Variants in RBFOX1 observed in about 807,000 individuals in gnomAD.
RBFOX1 encodes RNA binding protein fox-1 homolog 1.
Under a neutral mutation model 57.7 loss-of-function variants are expected in RBFOX1, and 8 were observed. The observed-to-expected ratio is 0.14, with a 90% CI of 0.08 to 0.25. The LOEUF is 0.25. RBFOX1 is among the 10% of genes least tolerant of loss of function. The pLI is 1.00. For synonymous variants in RBFOX1, 326 were observed against 222.4 expected (o/e 1.47, Z -4.15); for missense variants, 611 against 548.5 (o/e 1.11, Z -1.14).
At chr16:5,893,496 T>A (rs1328379936) in intron 4 of RBFOX1, among the ~76,000 whole-genome samples, 1 of 152,154 alleles carries the variant, frequency 6.6e-6, no homozygotes, top group East Asian at 1.9e-4. Context: ...TTGTTACGCA[T>A]CGCATACCTG....
intron 4 of RBFOX1, among the ~76,000 whole-genome samples, chr16:7,110,835 C>A (rs2064597810): frequency 6.6e-6 from 1 of 152,084 alleles, no homozygotes; most frequent in South Asian, 2.1e-4. Flanking sequence ...TATATTTATT[C>A]TAGTATATAA....
chr16:7,550,494 G>A (rs1448669016), intron 5 of RBFOX1, among the ~76,000 whole-genome samples: 1 of 152,102 alleles, frequency 6.6e-6, no homozygotes, highest in Non-Finnish European at 1.5e-5. Flanking sequence ...GAGCCTGGGG[G>A]CACTGTATCA....
chr16:5,675,938 A>G (rs149308444), intron 3 of RBFOX1, among the ~76,000 whole-genome samples: 19 of 152,276 alleles, frequency 1.2e-4, no homozygotes, highest in African/African-American at 2.4e-5. Flanking sequence ...TGAAGACTCA[A>G]TGGGCTAAGT....
At chr16:7,595,089 C>T (rs2094618491) in intron 7 of RBFOX1, among the ~76,000 whole-genome samples, 1 of 152,182 alleles carries the variant, frequency 6.6e-6, no homozygotes. Flanking sequence ...CACGGCATGA[C>T]TCTGTAGGCA....
intron 3 of RBFOX1, among the ~76,000 whole-genome samples, chr16:7,041,082 ATTTTTTTTTT>A (rs61569211): frequency 7.3e-5 from 8 of 109,310 alleles, no homozygotes; most frequent in East Asian, 2.3e-4. Context: ...CGCCCAGCTA[ATTTTTTTTTT>A]TTTTTTTTTT....
chr16:6,058,080 C>T (rs1023563459), intron 1 of RBFOX1, among the ~76,000 whole-genome samples: 12 of 152,114 alleles, frequency 7.9e-5, no homozygotes, highest in African/African-American at 2.2e-4. Flanking sequence ...CGCAGACACA[C>T]GGGAAGGCTT....
intron 4 of RBFOX1, among the ~76,000 whole-genome samples, chr16:7,376,142 C>T (rs915654152): frequency 6.6e-6 from 1 of 152,108 alleles, no homozygotes; most frequent in Admixed American, 6.5e-5. Context: ...ATTTAGTAAG[C>T]AAGGGATGAT....
At chr16:5,744,918 A>G (rs1052376135) in intron 3 of RBFOX1, among the ~76,000 whole-genome samples, 1 of 152,080 alleles carries the variant, frequency 6.6e-6, no homozygotes, top group Non-Finnish European at 1.5e-5. Flanking sequence ...GATTACAGGC[A>G]TGCACTGCCA....
intron 3 of RBFOX1, among the ~76,000 whole-genome samples, chr16:6,893,414 C>G (rs530794242): frequency 2.6e-5 from 4 of 152,170 alleles, no homozygotes; most frequent in Non-Finnish European, 5.9e-5. Context: ...CATGCCTTTA[C>G]AGAAACTACC....
intron 4 of RBFOX1, among the ~76,000 whole-genome samples, chr16:7,067,308 CAA>C (rs35824102): frequency 1.3e-5 from 2 of 151,458 alleles, no homozygotes; most frequent in African/African-American, 4.9e-5. Context: ...CAAATTACCA[CAA>C]AAAAAATAGT....
intron 4 of RBFOX1, among the ~76,000 whole-genome samples, chr16:7,198,985 T>A (rs2087542586): frequency 6.6e-6 from 1 of 152,070 alleles, no homozygotes. Flanking sequence ...ATGGTGTCCA[T>A]CTGGGAAAGT....
intron 3 of RBFOX1, among the ~76,000 whole-genome samples, chr16:6,878,825 G>C (rs556521488): frequency 3.3e-5 from 5 of 151,992 alleles, no homozygotes; most frequent in Non-Finnish European, 5.9e-5. Context: ...AAGGGGTTTT[G>C]GAAAAACCTA....
chr16:5,434,529 G>C (rs2067856747), intron 1 of RBFOX1, among the ~76,000 whole-genome samples: 1 of 151,572 alleles, frequency 6.6e-6, no homozygotes, highest in Non-Finnish European at 1.5e-5. Flanking sequence ...TCCATGTTAA[G>C]CTGGTCTCAA....
rs183014961 is a variant in RBFOX1, at chr16:5,518,135, A to T, written c.258+50881A>T. ...GCTGCAAAGCTAAAACAAATTTATA[A>T]ATTAAATGCAAACAGACCTAAAAAA... is the stretch of plus-strand genomic sequence containing the variant. On this transcript the variant is annotated intron_variant, in intron 2 of 2. Transcript: ENST00000585867. Among the ~76,000 whole-genome samples the T allele has an allele frequency of 6.6e-3, 998 of 152,336 alleles. 20 individuals carry two copies. The highest frequency in any genetic ancestry group is 4.6e-3 in the Non-Finnish European group (313 of 68,038).
At chr16:7,072,261 C>G (rs549503156) in intron 4 of RBFOX1, among the ~76,000 whole-genome samples, 1 of 152,282 alleles carries the variant, frequency 6.6e-6, no homozygotes, top group East Asian at 1.9e-4. Context: ...CCAGAATGAC[C>G]TTTAAAGAGC....
intron 2 of RBFOX1, among the ~76,000 whole-genome samples, chr16:6,649,335 G>T (rs1361978963): frequency 6.6e-6 from 1 of 152,094 alleles, no homozygotes; most frequent in East Asian, 1.9e-4. Flanking sequence ...GCTTTATGTG[G>T]TTCTTCCTTG....
At chr16:5,698,381 A>G (rs1179250857) in intron 3 of RBFOX1, among the ~76,000 whole-genome samples, 4 of 152,172 alleles carry the variant, frequency 2.6e-5, no homozygotes, top group African/African-American at 9.7e-5. Context: ...TAGACAAGGC[A>G]ACTTTGATCA....
intron 12 of RBFOX1, 74 bp from the exon 13 acceptor site, chr16:7,664,855 A>C: frequency 1.2e-6 from 2 of 1,612,782 alleles, no homozygotes; most frequent in Non-Finnish European, 8.5e-7. Flanking sequence ...TAACCTCGCC[A>C]GTGCAGGGGT....
intron 2 of RBFOX1, among the ~76,000 whole-genome samples, chr16:6,484,928 CTCTT>C (rs752317586): frequency 2.8e-4 from 43 of 152,174 alleles, no homozygotes; most frequent in African/African-American, 1.0e-3. Context: ...GTGTAATCCT[CTCTT>C]TAGTAGGGTA....
Sources: allele counts gnomAD v4.1 joint callset (sites outside exome capture counted in the v4.1 genomes callset), GRCh38; gene constraint gnomAD v4.1.1; transcripts MANE v1.5; gene names NCBI Gene and HGNC (gene_info 2026-07-23, HGNC 2026-07-21).